DTNBP1: variants seen among roughly 807,000 people sequenced by gnomAD.
The protein encoded by DTNBP1 is dystrobrevin binding protein 1.
Under a neutral mutation model 42.8 loss-of-function variants are expected in DTNBP1, and 35 were observed. The observed-to-expected ratio is 0.82, with a 90% CI of 0.63 to 1.09. DTNBP1 has a LOEUF of 1.09. Among genes scored for constraint, DTNBP1 ranks in the 50% least tolerant of loss-of-function variants. The pLI is 0.00. For missense variants in DTNBP1, 457 were observed against 424.2 expected, an observed-to-expected ratio of 1.08 and a Z score of -0.68; for synonymous variants, 171 against 162.2, an observed-to-expected ratio of 1.05 and a Z score of -0.41.
intron 4 of DTNBP1, among the ~76,000 whole-genome samples, chr6:15,632,493 GAAGGA>G (rs1759748324): frequency 6.6e-6 from 1 of 152,104 alleles, no homozygotes; most frequent in Admixed American, 6.5e-5. Flanking sequence ...GTATGGCTTA[GAAGGA>G]AAGAAACAAA....
intron 6 of DTNBP1, among the ~76,000 whole-genome samples, chr6:15,601,418 G>A (rs981747946): frequency 6.6e-6 from 1 of 152,046 alleles, no homozygotes; most frequent in African/African-American, 2.4e-5. Context: ...GAATTTTAAA[G>A]GATACTTTTT....
intron 6 of DTNBP1, among the ~76,000 whole-genome samples, chr6:15,600,489 TTTATC>T (rs1303872617): frequency 6.6e-6 from 1 of 152,228 alleles, no homozygotes; most frequent in African/African-American, 2.4e-5. Context: ...TTTAATTTTT[TTTATC>T]TTGACGATCA....
At chr6:15,534,659 CAAAAAA>C (rs34234744) in intron 7 of DTNBP1, among the ~76,000 whole-genome samples, 1 of 99,254 alleles carries the variant, frequency 1.0e-5, no homozygotes, top group Non-Finnish European at 1.9e-5. Flanking sequence ...GACTCTGTCT[CAAAAAA>C]AAAAAAAAAA....
rs532883024 is a variant in DTNBP1, at chr6:15,595,717, T to C, written c.489-2636A>G. Among the ~76,000 whole-genome samples, 11 of 152,332 alleles carry C rather than the reference T, an allele frequency of 7.2e-5. No homozygotes were observed. The East Asian group carries it at 1.9e-3, about 27-fold the overall frequency. On this transcript the variant is annotated intron_variant, in intron 6 of 9. Coordinates refer to ENST00000344537, the MANE Select transcript of DTNBP1 (RefSeq NM_032122.5). ...ATGTAAGAGAAGGCAGGGAAAGGCA[T>C]GTCAGTCACAGGCAGCAGTGACTGT...
At chr6:15,637,560 C>T (rs560892281) in intron 4 of DTNBP1, among the ~76,000 whole-genome samples, 184 bp downstream of exon 4, 4 of 152,224 alleles carry the variant, frequency 2.6e-5, no homozygotes, top group African/African-American at 9.6e-5. Flanking sequence ...AACTAAATTA[C>T]TTGACAGAGA....
intron 4 of DTNBP1, among the ~76,000 whole-genome samples, chr6:15,636,840 T>C (rs1760057848): frequency 6.6e-6 from 1 of 152,070 alleles, no homozygotes; most frequent in Non-Finnish European, 1.5e-5. Context: ...TGTTTTGTTG[T>C]GTTGTTGTTG....
chr6:15,536,999 T>C (rs1036360178), intron 7 of DTNBP1, among the ~76,000 whole-genome samples: 7 of 152,232 alleles, frequency 4.6e-5, no homozygotes, highest in African/African-American at 1.7e-4. Flanking sequence ...ATTTCTCCCA[T>C]TTGGAATGGG....
At chr6:15,636,596 G>T (rs1760038262) in intron 4 of DTNBP1, among the ~76,000 whole-genome samples, 1 of 152,196 alleles carries the variant, frequency 6.6e-6, no homozygotes, top group Admixed American at 6.5e-5. Flanking sequence ...AGGTTTCCTT[G>T]TTGACTCCTT....
chr6:15,597,863 A>T (rs1419950229), intron 6 of DTNBP1, among the ~76,000 whole-genome samples: 1 of 152,230 alleles, frequency 6.6e-6, no homozygotes, highest in Non-Finnish European at 1.5e-5. Context: ...TATTTTTGAT[A>T]AAGTTTGATC....
At chr6:15,657,191 A>G (rs1044270822) in intron 1 of DTNBP1, among the ~76,000 whole-genome samples, 6 of 152,164 alleles carry the variant, frequency 3.9e-5, no homozygotes, top group African/African-American at 1.2e-4. Flanking sequence ...TCCCAAATAC[A>G]TGGCTTCAAG....
intron 1 of DTNBP1, among the ~76,000 whole-genome samples, chr6:15,657,520 A>C (rs1581444522): frequency 6.6e-6 from 1 of 151,766 alleles, no homozygotes; most frequent in East Asian, 1.9e-4. Context: ...ATCTCCCTCT[A>C]CCCCATCCCC....
intron 6 of DTNBP1, among the ~76,000 whole-genome samples, chr6:15,598,761 T>C (rs1323528078): frequency 6.6e-6 from 1 of 152,168 alleles, no homozygotes; most frequent in Admixed American, 6.5e-5. Context: ...TTCTCAGGAC[T>C]CTCTATACCT....
chr6:15,619,777 C>A (rs927175235), intron 5 of DTNBP1, among the ~76,000 whole-genome samples: 1 of 151,950 alleles, frequency 6.6e-6, no homozygotes, highest in Non-Finnish European at 1.5e-5. Context: ...TCTTTTTATC[C>A]TCCTCTCAAG....
intron 7 of DTNBP1, 21 bp from the exon 8 acceptor site, chr6:15,533,416 G>T: frequency 6.2e-7 from 1 of 1,614,176 alleles, no homozygotes; most frequent in Non-Finnish European, 8.5e-7. Context: ...AGAATAACTG[G>T]GGTTAGGGTT....
At chr6:15,582,129 G>A (rs533303139) in intron 7 of DTNBP1, among the ~76,000 whole-genome samples, 4 of 152,126 alleles carry the variant, frequency 2.6e-5, no homozygotes, top group Admixed American at 6.5e-5. Flanking sequence ...CAAAGTTTGC[G>A]GTATAGAAAG....
At chr6:15,595,740 T>G (rs1346230352) in intron 6 of DTNBP1, among the ~76,000 whole-genome samples, 1 of 152,222 alleles carries the variant, frequency 6.6e-6, no homozygotes, top group Non-Finnish European at 1.5e-5. Context: ...CAGCAGTGAC[T>G]GTGAGGTCAC....
chr6:15,614,090 C>T (rs1758583006), intron 6 of DTNBP1, among the ~76,000 whole-genome samples: 1 of 152,094 alleles, frequency 6.6e-6, no homozygotes, highest in Admixed American at 6.5e-5. Flanking sequence ...CATTTAGTGC[C>T]CATCTCTAAG....
At chr6:15,660,233 C>A in intron 1 of DTNBP1, 1 of 698,398 alleles carries the variant, frequency 1.4e-6, no homozygotes, top group Non-Finnish European at 2.2e-6. Flanking sequence ...TTGAATTCCA[C>A]ATTACCAACA....
intron 7 of DTNBP1, among the ~76,000 whole-genome samples, chr6:15,557,996 G>A (rs1310713548): frequency 1.3e-5 from 2 of 151,890 alleles, no homozygotes; most frequent in African/African-American, 4.8e-5. Context: ...TAAATATGAA[G>A]TTGTGTTTGG....
Sources: gnomAD v4.1 joint callset for allele counts (sites outside exome capture counted in the v4.1 genomes callset) on GRCh38, gnomAD v4.1.1 for gene constraint, MANE v1.5 for transcripts, NCBI Gene and HGNC (gene_info 2026-07-23, HGNC 2026-07-21) for gene names.